The following IARS1 variants were observed in gnomAD, a reference collection of about 807,000 sequenced individuals.
IARS1 encodes the protein isoleucyl-tRNA synthetase 1.
A neutral mutation model predicts 168.2 loss-of-function variants in IARS1; 124 were observed. The ratio of observed to expected loss-of-function variants is 0.74; its 90% CI spans 0.64 to 0.86. The LOEUF is 0.86. Among genes scored for constraint, IARS1 ranks in the 40% least tolerant of loss-of-function variants. IARS1 has a pLI of 0.00. For synonymous variants in IARS1, 532 were observed against 529.4 expected (o/e 1.00, Z -0.07); for missense variants, 1,452 against 1,515.8 (o/e 0.96, Z 0.70).
intron 10 of IARS1, 53 bp downstream of exon 10, chr9:92,274,373 G>T: frequency 7.2e-7 from 1 of 1,394,996 alleles, no homozygotes; most frequent in Non-Finnish European, 1.0e-6. Flanking sequence ...CCGCATCTAT[G>T]AAAAGTGGCT....
chr9:92,258,623 C>T (rs1409912993), intron 19 of IARS1, among the ~76,000 whole-genome samples: 1 of 152,156 alleles, frequency 6.6e-6, no homozygotes, highest in Non-Finnish European at 1.5e-5. Flanking sequence ...GACTAAACAA[C>T]TATATGACAT....
chr9:92,268,242 A>G lies in IARS1; in HGVS notation c.1363T>C (p.Trp455Arg), dbSNP rs375513236. 8.7e-6 allele frequency: 14 copies of G among 1,612,092 alleles called. No individual in the cohort carries two copies. Among genetic ancestry groups the G allele is most frequent in the African/African-American group, 1.3e-5 (1 of 74,842 alleles). ...CAGTATCTGTTTCTGGAAATTGTCC[A>G]GTCACGTGCATCTTTCAGCCAATTT... ...FGNWLKDARD[W>R]TISRNRYWGT... Residue 455 changes from tryptophan to arginine, a missense_variant, in exon 14 of 34, where the codon TGG becomes CGG. Transcript: ENST00000443024.
intron 20 of IARS1, among the ~76,000 whole-genome samples, chr9:92,255,057 G>A (rs1401332419): frequency 1.3e-5 from 2 of 152,190 alleles, no homozygotes; most frequent in Admixed American, 6.5e-5. Flanking sequence ...ACAGGTGTGA[G>A]CATGTCTGGG....
chr9:92,290,491 C>T (rs10992296), intron 1 of IARS1, among the ~76,000 whole-genome samples: 54 of 151,940 alleles, frequency 3.6e-4, no homozygotes, highest in Non-Finnish European at 6.8e-4. Flanking sequence ...TTCTGTGGGC[C>T]GTCTTTTTAT....
At chr9:92,220,705 C>T (rs973264272) in intron 33 of IARS1, among the ~76,000 whole-genome samples, 2 of 152,166 alleles carry the variant, frequency 1.3e-5, no homozygotes, top group Non-Finnish European at 2.9e-5. Flanking sequence ...GTGGTTCTTG[C>T]TTGTAATCCC....
intron 32 of IARS1, among the ~76,000 whole-genome samples, 153 bp downstream of exon 32, chr9:92,223,193 A>C (rs1349031846): frequency 6.6e-6 from 1 of 152,228 alleles, no homozygotes; most frequent in Non-Finnish European, 1.5e-5. Context: ...ACACACCAAA[A>C]GAAAAGCCTG....
chr9:92,283,924 T>C (rs961590368), intron 6 of IARS1, among the ~76,000 whole-genome samples: 3 of 152,126 alleles, frequency 2.0e-5, no homozygotes, highest in African/African-American at 7.2e-5. Context: ...CTGACACCTG[T>C]AATCCCAGCA....
chr9:92,253,830 C>T (rs925493627), intron 20 of IARS1: 1 of 489,548 alleles, frequency 2.0e-6, no homozygotes, highest in Non-Finnish European at 4.1e-6. Context: ...CAACTTCTTT[C>T]CATTGTATTA....
At position 92,250,256 on chromosome 9, in the gene IARS1, T is replaced by G. The variant is rs561762335; in HGVS notation, c.2463A>C (p.Ala821=). 6.2e-7 allele frequency: 1 copy of G among 1,610,900 alleles called. No homozygotes were observed. The highest frequency in any genetic ancestry group is 8.5e-7 in the Non-Finnish European group (1 of 1,177,044). Residue 821 remains alanine, a synonymous_variant, in exon 24 of 34, where the codon GCA becomes GCC. Transcript: ENST00000443024. ...EELIDKKTES[A]VSQMQSVIEL... is the part of the protein sequence containing the mutation. ...CAATCACAGACTGCATCTGAGATAC[T>G]GCACTCTCTGTTTTCTTGTCAATCA...
intron 17 of IARS1, among the ~76,000 whole-genome samples, chr9:92,262,005 C>T (rs1831599231): frequency 6.6e-6 from 1 of 151,640 alleles, no homozygotes; most frequent in Admixed American, 6.6e-5. Flanking sequence ...CCACCATGGC[C>T]TCCCAAATGG....
intron 30 of IARS1, chr9:92,240,425 G>A: frequency 2.2e-6 from 1 of 463,358 alleles, no homozygotes; most frequent in Admixed American, 3.9e-5. Flanking sequence ...CACCATGCCT[G>A]GCTAATTTTG....
intron 18 of IARS1, among the ~76,000 whole-genome samples, 168 bp from the exon 19 acceptor site, chr9:92,259,166 C>A (rs937784358): frequency 1.3e-5 from 2 of 152,202 alleles, no homozygotes; most frequent in Non-Finnish European, 2.9e-5. Context: ...AACTCACTCT[C>A]ACTTTCTATA....
intron 33 of IARS1, 141 bp downstream of exon 33, chr9:92,222,379 T>C (rs1282488562): frequency 2.3e-6 from 1 of 442,650 alleles, no homozygotes; most frequent in East Asian, 3.8e-5. Flanking sequence ...AAGAAAATTA[T>C]ATTATGGTAA....
intron 6 of IARS1, among the ~76,000 whole-genome samples, chr9:92,281,365 C>T (rs1243709233): frequency 1.3e-5 from 2 of 152,124 alleles, no homozygotes; most frequent in East Asian, 3.9e-4. Context: ...AACTCCTGAC[C>T]GCAGGTGATC....
chr9:92,242,522 C>T, intron 28 of IARS1, 192 bp from the exon 29 acceptor site: 1 of 562,160 alleles, frequency 1.8e-6, no homozygotes, highest in East Asian at 2.9e-5. Flanking sequence ...GTCTTTTTCA[C>T]CACTCTTTGG....
intron 26 of IARS1, among the ~76,000 whole-genome samples, chr9:92,245,768 A>ATTT (rs572872450): frequency 0.11 from 15,933 of 143,292 alleles, 980 homozygotes; most frequent in South Asian, 0.21. Context: ...TAGCCCAGGA[A>ATTT]TTTTTTTTTT....
rs147156586 is a variant in IARS1, at chr9:92,238,401, T to C, written c.3283+2455A>G. Among the ~76,000 whole-genome samples the C allele has an allele frequency of 1.2e-4, 19 of 152,328 alleles. No homozygotes were observed. In the East Asian group the frequency reaches 3.7e-3, roughly 29 times the overall value. On this transcript the variant is annotated intron_variant, in intron 30 of 33. Coordinates refer to ENST00000443024, the MANE Select transcript of IARS1 (RefSeq NM_002161.6). ...TGCAGTAATGAGTGAGTTCTCACTC[T>C]GTTCGTTCATGCGATAGCTGGTTAT... is the stretch of plus-strand genomic sequence containing the variant.
intron 33 of IARS1, among the ~76,000 whole-genome samples, chr9:92,214,702 C>T (rs1370244385): frequency 5.3e-5 from 8 of 152,186 alleles, no homozygotes; most frequent in Non-Finnish European, 7.3e-5. Flanking sequence ...CCGAATACTG[C>T]GCTTTTCCGA....
At position 92,264,313 on chromosome 9, in the gene IARS1, C is replaced by A. The variant is rs556932849; in HGVS notation, c.1700+616G>T. ...TCACACCCCTGCACTCCAGCCTGGG[C>A]AGCAGAGTGCAAGATTCTGTCTCAA... is the stretch of plus-strand genomic sequence containing the variant. On this transcript the variant is annotated intron_variant, in intron 16 of 33. Coordinates refer to ENST00000443024, the MANE Select transcript of IARS1 (RefSeq NM_002161.6). Among the ~76,000 whole-genome samples the A allele has an allele frequency of 3.8e-3, 566 of 148,198 alleles. 4 individuals are homozygous for A. The highest frequency in any genetic ancestry group is 0.013 in the African/African-American group (534 of 39,896).
Sources: allele counts gnomAD v4.1 joint callset (sites outside exome capture counted in the v4.1 genomes callset), GRCh38; gene constraint gnomAD v4.1.1; transcripts MANE v1.5; gene names NCBI Gene and HGNC (gene_info 2026-07-23, HGNC 2026-07-21).